Variants in SLFN12L observed in about 807,000 individuals in gnomAD.
The protein encoded by SLFN12L is schlafen family member 12 like.
In SLFN12L, 34 loss-of-function variants were observed where a neutral mutation model predicts 34.8. The observed-to-expected ratio is 0.98, with a 90% CI of 0.74 to 1.30. The LOEUF (loss-of-function observed/expected upper bound fraction) is 1.30, where lower values mean the gene tolerates loss of function less well. Ranked by LOEUF, SLFN12L falls within the 50% of genes most tolerant of loss-of-function variation. The pLI, the probability that SLFN12L is intolerant of heterozygous loss-of-function variation, is 0.00. For synonymous variants in SLFN12L, 259 were observed against 247.5 expected (o/e 1.05, Z -0.44); for missense variants, 703 against 696.2 (o/e 1.01, Z -0.11).
rs573097691 is a variant in SLFN12L at position 35,469,481 on chromosome 17, G to A, written c.*5442C>T. Among the ~76,000 whole-genome samples the A allele has an allele frequency of 8.6e-5, 13 of 150,856 alleles. No individual in the cohort carries two copies. Among genetic ancestry groups the A allele is most frequent in the Non-Finnish European group, 1.5e-4 (10 of 67,820 alleles). The stretch of plus-strand genomic sequence containing the variant: ...ACTTAGTTATGGACCAGCCTACAAG[G>A]GCTCTTTATACTTCCACATTGTTCT... On this transcript the variant is annotated 3_prime_UTR_variant, in exon 5 of 5. Coordinates refer to ENST00000628453, the MANE Select transcript of SLFN12L (RefSeq NM_001363830.2).
intron 1 of SLFN12L, among the ~76,000 whole-genome samples, chr17:35,530,635 C>G (rs983566291): frequency 2.0e-5 from 3 of 151,920 alleles, no homozygotes; most frequent in South Asian, 2.1e-4. Flanking sequence ...GGCCAAGGGA[C>G]GTGGTAAATC....
intron 2 of SLFN12L, among the ~76,000 whole-genome samples, chr17:35,517,023 T>C (rs1915849096): frequency 6.6e-6 from 1 of 152,210 alleles, no homozygotes; most frequent in Non-Finnish European, 1.5e-5. Flanking sequence ...CAAGCACTAA[T>C]TTTCTACACA....
intron 2 of SLFN12L, chr17:35,490,364 C>G (rs1914786973): frequency 3.0e-6 from 4 of 1,333,976 alleles, no homozygotes; most frequent in Middle Eastern, 1.8e-4. Context: ...GTACGATAGT[C>G]TCTTGATCTG....
chr17:35,513,911 T>C (rs939534824), intron 2 of SLFN12L, among the ~76,000 whole-genome samples: 2 of 152,102 alleles, frequency 1.3e-5, no homozygotes, highest in African/African-American at 4.8e-5. Context: ...AATTTGGAAA[T>C]ACTAAGTCAG....
intron 2 of SLFN12L, chr17:35,498,473 C>T: frequency 8.1e-7 from 1 of 1,227,818 alleles, no homozygotes; most frequent in South Asian, 1.2e-5. Flanking sequence ...ATTCTGATTC[C>T]CCGCATAGCC....
At chr17:35,537,540 T>C (rs1221059273) in intron 1 of SLFN12L, 33 bp downstream of exon 1, 1 of 152,230 alleles carries the variant, frequency 6.6e-6, no homozygotes, top group Non-Finnish European at 1.5e-5. Flanking sequence ...TGAATAAGCA[T>C]GGCTTAGATC....
chr17:35,512,259 A>G (rs1250265580), intron 2 of SLFN12L, among the ~76,000 whole-genome samples: 11 of 131,918 alleles, frequency 8.3e-5, no homozygotes, highest in African/African-American at 3.2e-4. Context: ...GGTTCACACC[A>G]TTCTCCTACC....
Position 35,522,716 on chromosome 17 carries a change from G to C in SLFN12L, c.-352C>G. The C allele has an allele frequency of 6.2e-7, 1 of 1,614,094 alleles. No homozygotes were observed. Among genetic ancestry groups the C allele is most frequent in the Non-Finnish European group, 8.5e-7 (1 of 1,179,974 alleles). On this transcript the variant is annotated 5_prime_UTR_variant, in exon 2 of 5. Transcript: ENST00000628453. Reference sequence around the variant, plus strand: ...TAGCCCCCCATGTTCACCAGCTTCTGCTTCAAAGTAAGGGCAGTGCAAGTG... The same window carrying C: ...TAGCCCCCCATGTTCACCAGCTTCTCCTTCAAAGTAAGGGCAGTGCAAGTG...
intron 2 of SLFN12L, chr17:35,487,714 A>AG (rs1567656647): frequency 1.5e-6 from 2 of 1,326,548 alleles, no homozygotes; most frequent in Non-Finnish European, 2.0e-6. Context: ...TTTAAAGAAA[A>AG]AGAGAACGAA....
At chr17:35,517,551 T>C (rs951827011) in intron 2 of SLFN12L, among the ~76,000 whole-genome samples, 6 of 152,168 alleles carry the variant, frequency 3.9e-5, no homozygotes, top group Admixed American at 6.5e-5. Context: ...AAAACTACTG[T>C]AAATTTCATA....
At chr17:35,499,453 C>A (rs759542877) in intron 2 of SLFN12L, among the ~76,000 whole-genome samples, 2 of 152,150 alleles carry the variant, frequency 1.3e-5, no homozygotes, top group Non-Finnish European at 2.9e-5. Flanking sequence ...TAATTAAAGA[C>A]CTTTAGCTAA....
intron 1 of SLFN12L, among the ~76,000 whole-genome samples, chr17:35,528,276 C>A (rs998424246): frequency 6.6e-6 from 1 of 152,098 alleles, no homozygotes; most frequent in African/African-American, 2.4e-5. Flanking sequence ...CCATACTGCC[C>A]AAAGTAATTT....
At chr17:35,509,842 T>A (rs1915581402) in intron 2 of SLFN12L, among the ~76,000 whole-genome samples, 1 of 151,934 alleles carries the variant, frequency 6.6e-6, no homozygotes, top group Non-Finnish European at 1.5e-5. Context: ...GGACTACAGG[T>A]GCCTGCCACC....
At chr17:35,487,895 C>A in intron 2 of SLFN12L, 2 of 805,048 alleles carry the variant, frequency 2.5e-6, no homozygotes, top group South Asian at 1.4e-5. Flanking sequence ...ATCGACTCTG[C>A]GCCTTTGGAA....
In SLFN12L at chr17:35,522,555, G is replaced by A; in HGVS notation, c.-191C>T. The A allele has an allele frequency of 1.2e-6, 2 of 1,610,248 alleles. No individual in the cohort carries two copies. Among genetic ancestry groups the A allele is most frequent in the Non-Finnish European group, 1.7e-6 (2 of 1,178,152 alleles). On this transcript the variant is annotated 5_prime_UTR_variant, in exon 2 of 5. Coordinates refer to ENST00000628453, the MANE Select transcript of SLFN12L (RefSeq NM_001363830.2). ...GACAATCACGAGGGACTGCAGCAGGGCTTCCAATGTGCTGGGTGCCTGCAA... is the reference window on the plus strand; with the variant it reads ...GACAATCACGAGGGACTGCAGCAGGACTTCCAATGTGCTGGGTGCCTGCAA...
chr17:35,505,711 G>A (rs918948783), intron 2 of SLFN12L, among the ~76,000 whole-genome samples: 7 of 152,126 alleles, frequency 4.6e-5, no homozygotes, highest in South Asian at 2.1e-4. Flanking sequence ...GACTGTGAGC[G>A]GTACATGAAT....
rs747173678 is a variant in SLFN12L at position 35,479,208 on chromosome 17, A to T, written c.1074T>A (p.Ala358=). The change falls in exon 3 of 5, where the codon GCT becomes GCA. Residue 358 remains alanine (A), a synonymous_variant. Transcript: ENST00000628453. ...TCACGTGCCAGGAATCAGGCTTTTT[A>T]GCAAACACTGCACAGCAGAAGCGTT... ...RVERFCCAVF[A]KKPDSWHVKD... 6.3e-7 allele frequency: 1 copy of T among 1,584,720 alleles called. No homozygotes were observed.
intron 2 of SLFN12L, among the ~76,000 whole-genome samples, chr17:35,501,486 A>G (rs1481032274): frequency 6.6e-6 from 1 of 152,068 alleles, no homozygotes; most frequent in Non-Finnish European, 1.5e-5. Context: ...CCTGGCTTGG[A>G]TTTCTTGATA....
intron 1 of SLFN12L, among the ~76,000 whole-genome samples, chr17:35,530,502 A>AAGAGAGAGAG (rs1225835544): frequency 5.7e-5 from 2 of 34,814 alleles, no homozygotes; most frequent in African/African-American, 1.6e-4. Flanking sequence ...GAAAGAAAGA[A>AAGAGAGAGAG]AGAAAGAAAG....
Sources: allele counts gnomAD v4.1 joint callset (sites outside exome capture counted in the v4.1 genomes callset), GRCh38; gene constraint gnomAD v4.1.1; transcripts MANE v1.5; gene names NCBI Gene and HGNC (gene_info 2026-07-23, HGNC 2026-07-21).